Variants in ZMIZ1 observed in about 807,000 individuals in gnomAD.
ZMIZ1 encodes zinc finger MIZ-type containing 1, also known as zinc finger MIZ domain-containing protein 1.
In ZMIZ1, 17 loss-of-function variants were observed where a neutral mutation model predicts 113.9. The ratio of observed to expected loss-of-function variants is 0.15; its 90% CI spans 0.10 to 0.22. ZMIZ1 has a LOEUF of 0.22. Among genes scored for constraint, ZMIZ1 ranks in the 10% least tolerant of loss-of-function variants. The probability of loss-of-function intolerance (pLI) is 1.00; values close to 1 mark genes in which losing one functional copy is unlikely to be tolerated. For missense variants in ZMIZ1, 1,059 were observed against 1,477.8 expected, an observed-to-expected ratio of 0.72 and a Z score of 4.65; for synonymous variants, 607 against 603.1, an observed-to-expected ratio of 1.01 and a Z score of -0.09.
chr10:79,201,106 G>C (rs530799149), intron 4 of ZMIZ1, among the ~76,000 whole-genome samples: 1 of 152,082 alleles, frequency 6.6e-6, no homozygotes, highest in African/African-American at 2.4e-5. Context: ...TCAGGAGTTC[G>C]AGACCAGCCT....
intron 7 of ZMIZ1, among the ~76,000 whole-genome samples, chr10:79,273,820 C>T (rs1226066064): frequency 4.6e-5 from 7 of 152,256 alleles, no homozygotes; most frequent in Non-Finnish European, 7.3e-5. Flanking sequence ...GGAGGGTGGC[C>T]GTGGGTCTAA....
intron 8 of ZMIZ1, among the ~76,000 whole-genome samples, chr10:79,278,472 G>A (rs934189390): frequency 4.0e-5 from 6 of 148,970 alleles, no homozygotes; most frequent in African/African-American, 1.5e-4. Context: ...ATCATTCTTG[G>A]GTGTTTCTCG....
intron 3 of ZMIZ1, among the ~76,000 whole-genome samples, chr10:79,147,939 A>G (rs1347622913): frequency 1.3e-5 from 2 of 152,204 alleles, no homozygotes; most frequent in Non-Finnish European, 2.9e-5. Context: ...GCAGAGCACC[A>G]GGGGAAGTGG....
chr10:79,082,867 GA>G (rs1464394315), intron 1 of ZMIZ1, among the ~76,000 whole-genome samples: 2 of 152,328 alleles, frequency 1.3e-5, no homozygotes, highest in African/African-American at 4.8e-5. Flanking sequence ...GTGCCAGCCT[GA>G]GAACAAGGCT....
intron 4 of ZMIZ1, among the ~76,000 whole-genome samples, chr10:79,188,105 G>C (rs532920036): frequency 6.6e-6 from 1 of 152,186 alleles, no homozygotes; most frequent in African/African-American, 2.4e-5. Flanking sequence ...GCTGCCTGAC[G>C]TAGTACATAA....
At chr10:79,237,224 G>A (rs1849625496) in intron 7 of ZMIZ1, among the ~76,000 whole-genome samples, 1 of 152,230 alleles carries the variant, frequency 6.6e-6, no homozygotes, top group Non-Finnish European at 1.5e-5. Flanking sequence ...AGGGAAATGA[G>A]GTCAGAGAGA....
intron 1 of ZMIZ1, among the ~76,000 whole-genome samples, chr10:79,114,819 G>A (rs922025708): frequency 1.3e-5 from 2 of 151,784 alleles, no homozygotes; most frequent in Non-Finnish European, 2.9e-5. Flanking sequence ...TTATTTTAAC[G>A]ACGCAGTAAG....
chr10:79,163,263 G>A (rs891728022), intron 4 of ZMIZ1, among the ~76,000 whole-genome samples: 3 of 152,228 alleles, frequency 2.0e-5, no homozygotes, highest in Admixed American at 6.5e-5. Flanking sequence ...AGGGCCAGGC[G>A]AGCCTCAGTC....
intron 4 of ZMIZ1, among the ~76,000 whole-genome samples, chr10:79,186,607 A>G (rs981356816): frequency 6.6e-6 from 1 of 152,266 alleles, no homozygotes; most frequent in Non-Finnish European, 1.5e-5. Flanking sequence ...TGTAATTAAT[A>G]TGCAACTGCC....
chr10:79,143,410 C>G (rs1168902109), intron 3 of ZMIZ1, among the ~76,000 whole-genome samples: 2 of 152,168 alleles, frequency 1.3e-5, no homozygotes, highest in African/African-American at 4.8e-5. Context: ...CCACTCACCC[C>G]TCTCTCCACA....
chr10:79,120,685 A>G (rs1373491937), intron 2 of ZMIZ1, among the ~76,000 whole-genome samples: 1 of 151,084 alleles, frequency 6.6e-6, no homozygotes, highest in African/African-American at 2.4e-5. Flanking sequence ...TGCCGAGAGC[A>G]ATTTTGGGCA....
intron 21 of ZMIZ1, among the ~76,000 whole-genome samples, chr10:79,305,807 A>G (rs1054113758): frequency 6.6e-6 from 1 of 152,122 alleles, no homozygotes; most frequent in East Asian, 1.9e-4. Context: ...AAAGCCAGCC[A>G]CAGCAGGAGG....
intron 1 of ZMIZ1, among the ~76,000 whole-genome samples, chr10:79,102,773 G>C (rs1843409879): frequency 6.6e-6 from 1 of 152,242 alleles, no homozygotes; most frequent in African/African-American, 2.4e-5. Flanking sequence ...GCCCTCATCT[G>C]AGAAGTGGGA....
chr10:79,208,551 G>C lies in ZMIZ1; in HGVS notation c.174+102G>C. The C allele has an allele frequency of 3.1e-6, 3 of 979,584 alleles. No individual in the cohort carries two copies. The South Asian group carries it at 4.6e-5, about 15-fold the overall frequency. 60.7% of individuals were successfully genotyped at this position (979,584 alleles called of 1,614,324 possible). ...GAGAGGTTGTCAGACATTGGGAGGT[G>C]ACACCAGTGAGAGAGCTGGGAAGAC... On this transcript the variant is annotated intron_variant, in intron 6 of 24. Transcript: ENST00000334512.
chr10:79,297,733 T>A, intron 14 of ZMIZ1, 43 bp downstream of exon 14: 1 of 1,570,038 alleles, frequency 6.4e-7, no homozygotes. Context: ...CACAGGGAGT[T>A]GTTGCCTCTA....
intron 4 of ZMIZ1, among the ~76,000 whole-genome samples, chr10:79,187,075 C>T (rs958739948): frequency 6.6e-6 from 1 of 152,232 alleles, no homozygotes; most frequent in Non-Finnish European, 1.5e-5. Flanking sequence ...TGTCTGCCTT[C>T]ACCTGGATTT....
At chr10:79,248,329 G>A (rs1266506102) in intron 7 of ZMIZ1, among the ~76,000 whole-genome samples, 3 of 152,144 alleles carry the variant, frequency 2.0e-5, no homozygotes, top group Non-Finnish European at 4.4e-5. Context: ...ACCAGGAGAG[G>A]TATGGCGCTT....
At chr10:79,085,654 G>A (rs1250009) in intron 1 of ZMIZ1, among the ~76,000 whole-genome samples, 107,494 of 152,084 alleles carry the variant, frequency 0.71, 39,272 homozygotes, top group African/African-American at 0.91. Context: ...CAATAAACAC[G>A]CTTGTTAGGA....
At chr10:79,252,290 C>T (rs1020381682) in intron 7 of ZMIZ1, among the ~76,000 whole-genome samples, 5 of 152,116 alleles carry the variant, frequency 3.3e-5, no homozygotes, top group Admixed American at 1.3e-4. Flanking sequence ...CTTTACATGG[C>T]GGTGTACCTT....
Sources: allele counts gnomAD v4.1 joint callset (sites outside exome capture counted in the v4.1 genomes callset), GRCh38; gene constraint gnomAD v4.1.1; transcripts MANE v1.5; gene names NCBI Gene and HGNC (gene_info 2026-07-23, HGNC 2026-07-21).